DNHD1: variants seen among roughly 807,000 people sequenced by gnomAD.
DNHD1 encodes dynein heavy chain domain 1.
Under a neutral mutation model 458.1 loss-of-function variants are expected in DNHD1, and 383 were observed. The observed-to-expected ratio is 0.84, with a 90% CI of 0.77 to 0.91. The LOEUF is 0.91. Among genes scored for constraint, DNHD1 ranks in the 40% least tolerant of loss-of-function variants. The probability of loss-of-function intolerance (pLI) is 0.00; values close to 1 mark genes in which losing one functional copy is unlikely to be tolerated. For missense variants in DNHD1, 5,336 were observed against 5,866.1 expected (o/e 0.91, Z 2.95); for synonymous variants, 2,203 against 2,376.9 (o/e 0.93, Z 2.13).
rs749086816 is a variant in DNHD1 at position 6,557,927 on chromosome 11, G to A, written c.8632G>A (p.Val2878Met). ...MAQHVARLVR[V>M]LARPRQHGLL... ...CCAGCACGTGGCCCGCCTGGTCCGG[G>A]TGCTGGCCAGGCCCCGGCAGCATGG... Residue 2878 changes from valine to methionine, a missense_variant, in exon 25 of 43, where the codon GTG becomes ATG. Val to Met is a conservative substitution (Grantham distance 21). Coordinates refer to ENST00000254579, the MANE Select transcript of DNHD1 (RefSeq NM_144666.3). 2 of 1,551,440 alleles carry A rather than the reference G, an allele frequency of 1.3e-6. No homozygotes were observed. Among genetic ancestry groups the A allele is most frequent in the Non-Finnish European group, 1.7e-6 (2 of 1,146,968 alleles).
rs1853207672 is a variant in DNHD1 at position 6,546,014 on chromosome 11, G to A, written c.5075G>A (p.Gly1692Asp). 4 of 1,551,706 alleles carry A rather than the reference G, an allele frequency of 2.6e-6. No individual in the cohort carries two copies. Among genetic ancestry groups the A allele is most frequent in the South Asian group, 2.4e-5 (2 of 84,058 alleles). ...ACCGTACTGGGTCCTAATGGTGTGG[G>A]CAAGAGAGCTATAGTGAACAGCCTG... ...CGTVLGPNGV[G>D]KRAIVNSLAQ... is the part of the protein sequence containing the mutation. The change falls in exon 21 of 43, where the codon GGC becomes GAC. Residue 1692 changes from glycine to aspartate, a missense_variant. Transcript: ENST00000254579.
In DNHD1 at chr11:6,545,245, G is replaced by A; in HGVS notation, c.4306G>A (p.Gly1436Ser). 1 of 1,551,754 alleles carries A rather than the reference G, an allele frequency of 6.4e-7. No homozygotes were observed. The highest frequency in any genetic ancestry group is 1.4e-5 in the African/African-American group (1 of 73,160). Residue 1436 changes from glycine (G) to serine (S), a missense_variant, in exon 21 of 43, where the codon GGT becomes AGT. By Grantham distance (56) the Gly-to-Ser change is moderately conservative. This residue lies in a region of DNHD1 where 3,932 missense variants were observed against 4,365.6 expected (regional missense o/e 0.90). Coordinates refer to ENST00000254579, the MANE Select transcript of DNHD1 (RefSeq NM_144666.3). This position sits in a 1 kb window ranked among gnomAD's most constrained non-coding sequence, Gnocchi z 4.9. Reference sequence around the variant, plus strand: ...AGGTGGGGAGGAGGTGAAGCTGCAGGGTCCCCTTCCTCTGCATCCAGATCT... The same window carrying A: ...AGGTGGGGAGGAGGTGAAGCTGCAGAGTCCCCTTCCTCTGCATCCAGATCT... ...GAGGEEVKLQ[G>S]PLPLHPDLPK...
chr11:6,566,514 C>A, intron 34 of DNHD1, 73 bp from the exon 35 acceptor site: 1 of 1,563,448 alleles, frequency 6.4e-7, no homozygotes, highest in South Asian at 1.2e-5. Flanking sequence ...AGCAGGGAGC[C>A]ATACTCCCTG....
In DNHD1 at chr11:6,498,622, C is replaced by T. The variant is rs1449432946; in HGVS notation, c.407C>T (p.Pro136Leu). Residue 136 changes from proline to leucine, a missense_variant, in exon 3 of 43, where the codon CCA becomes CTA. By Grantham distance (98) the Pro-to-Leu change is moderately conservative. Around this residue, in one of 4 missense-constraint regions of DNHD1, gnomAD observed 3,932 missense variants for 4,365.6 expected, o/e 0.90. Transcript: ENST00000254579. Reference protein sequence around the residue: ...LLGAIVQAFPPDSSLLDSASH... With the variant: ...LLGAIVQAFPLDSSLLDSASH... Reference sequence around the variant, plus strand: ...GGTGCCATTGTCCAGGCCTTTCCTCCAGACAGCTCTTTGTTAGACAGTGCT... The same window carrying T: ...GGTGCCATTGTCCAGGCCTTTCCTCTAGACAGCTCTTTGTTAGACAGTGCT... 1 of 1,614,234 alleles carries T rather than the reference C, an allele frequency of 6.2e-7. No homozygotes were observed.
At chr11:6,519,515 AAG>A in intron 7 of DNHD1, 83 bp from the exon 8 acceptor site, 1 of 1,506,876 alleles carries the variant, frequency 6.6e-7, no homozygotes, top group Non-Finnish European at 9.1e-7. Context: ...CCCAGACTCC[AAG>A]ACCTGAGAGT....
intron 18 of DNHD1, among the ~76,000 whole-genome samples, chr11:6,542,714 A>G (rs1350772548): frequency 6.6e-6 from 1 of 152,238 alleles, no homozygotes; most frequent in Non-Finnish European, 1.5e-5. Flanking sequence ...TCTTACCTCA[A>G]GAAGACAGGT....
intron 14 of DNHD1, among the ~76,000 whole-genome samples, chr11:6,537,872 A>C (rs1852992058): frequency 6.6e-6 from 1 of 152,132 alleles, no homozygotes; most frequent in Non-Finnish European, 1.5e-5. Flanking sequence ...CAGAGGTTGC[A>C]GTGAGCCGAG....
At chr11:6,517,355 C>G (rs545944866) in intron 7 of DNHD1, among the ~76,000 whole-genome samples, 2 of 152,134 alleles carry the variant, frequency 1.3e-5, no homozygotes, top group Non-Finnish European at 2.9e-5. Flanking sequence ...ATCCAGCAAT[C>G]CCACTTCTGT....
chr11:6,534,259 C>A, intron 14 of DNHD1, 86 bp downstream of exon 14: 1 of 1,353,422 alleles, frequency 7.4e-7, no homozygotes, highest in Non-Finnish European at 9.9e-7. Context: ...GTTCTGTGTC[C>A]TGTATGACCC....
chr11:6,544,725 C>T, intron 20 of DNHD1, 54 bp downstream of exon 20: 1 of 1,540,306 alleles, frequency 6.5e-7, no homozygotes. Flanking sequence ...AATAGCAGGG[C>T]TCAGCGTGGG....
Position 6,567,034 on chromosome 11 carries a change from A to C in DNHD1, c.11525A>C (p.Gln3842Pro). The change falls in exon 36 of 43, where the codon CAG becomes CCG. Residue 3842 changes from glutamine to proline, a missense_variant. Around this residue, in one of 4 missense-constraint regions of DNHD1, gnomAD observed 695 missense variants for 804.2 expected, o/e 0.86. Transcript: ENST00000254579. ...HCEELEGQKL[Q>P]EMVLWAPYRP... ...GAAGAGTTAGAAGGGCAGAAACTAC[A>C]GGAGATGGTATTGTGGGCACCCTAT... is the stretch of plus-strand genomic sequence containing the variant. 6.2e-7 allele frequency: 1 copy of C among 1,614,038 alleles called. No homozygotes were observed. Among genetic ancestry groups the C allele is most frequent in the Non-Finnish European group, 8.5e-7 (1 of 1,179,898 alleles).
At chr11:6,501,119 G>T (rs186186583) in intron 3 of DNHD1, among the ~76,000 whole-genome samples, 1 of 152,260 alleles carries the variant, frequency 6.6e-6, no homozygotes, top group African/African-American at 2.4e-5. Context: ...AATGTTCATT[G>T]GATGTAGTAA....
At position 6,570,077 on chromosome 11, in the gene DNHD1, G is replaced by T. The variant is rs778125598; in HGVS notation, c.12932G>T (p.Arg4311Leu). 6.2e-7 allele frequency: 1 copy of T among 1,613,938 alleles called. No homozygotes were observed. ...DQLWASLSNPRAAMQELAASV... is the reference protein window; with the variant it reads ...DQLWASLSNPLAAMQELAASV... Reference sequence around the variant, plus strand: ...CTGTGGGCAAGTCTTAGCAATCCCCGTGCTGCCATGCAAGAGCTGGCTGGT... The same window carrying T: ...CTGTGGGCAAGTCTTAGCAATCCCCTTGCTGCCATGCAAGAGCTGGCTGGT... Residue 4311 changes from arginine (R) to leucine (L), a missense_variant, in exon 40 of 43, where the codon CGT becomes CTT. Coordinates refer to ENST00000254579, the MANE Select transcript of DNHD1 (RefSeq NM_144666.3).
At chr11:6,532,500 A>G (rs911059538) in intron 12 of DNHD1, among the ~76,000 whole-genome samples, 2 of 152,238 alleles carry the variant, frequency 1.3e-5, no homozygotes, top group African/African-American at 2.4e-5. Flanking sequence ...AAGGGCAGTA[A>G]GACTCCAAAA....
chr11:6,532,318 G>C (rs1478869112), intron 12 of DNHD1, among the ~76,000 whole-genome samples: 1 of 152,060 alleles, frequency 6.6e-6, no homozygotes, highest in Non-Finnish European at 1.5e-5. Flanking sequence ...GATTTTATGA[G>C]GTATCATATG....
intron 3 of DNHD1, among the ~76,000 whole-genome samples, chr11:6,501,912 A>G (rs1213381592): frequency 6.6e-6 from 1 of 152,252 alleles, no homozygotes; most frequent in Non-Finnish European, 1.5e-5. Context: ...AAGGTTATAA[A>G]CCATATTGTT....
chr11:6,534,331 C>A, intron 14 of DNHD1, 158 bp downstream of exon 14: 1 of 749,140 alleles, frequency 1.3e-6, no homozygotes, highest in South Asian at 2.0e-5. Flanking sequence ...AATTTCAGGA[C>A]AAAAACATCA....
chr11:6,542,438 G>T (rs1853114264), intron 18 of DNHD1, among the ~76,000 whole-genome samples: 1 of 152,358 alleles, frequency 6.6e-6, no homozygotes, highest in East Asian at 1.9e-4. Flanking sequence ...GGTCCTACCA[G>T]TCTTTCCTGA....
Position 6,502,738 on chromosome 11 carries a change from T to C in DNHD1, c.747-15T>C, listed in dbSNP as rs754606379. ...TTTTACTCTGCCTTTTCTCTCCTGA[T>C]TTTCTGTCACACAGGTCTCAGCTTG... is the stretch of plus-strand genomic sequence containing the variant. On this transcript the variant is annotated splice_polypyrimidine_tract_variant and intron_variant, in intron 3 of 42. Transcript: ENST00000254579. The C allele has an allele frequency of 1.9e-5, 29 of 1,563,646 alleles. No homozygotes were observed. The South Asian group carries it at 2.3e-4, about 12-fold the overall frequency.
Sources: allele counts gnomAD v4.1 joint callset (sites outside exome capture counted in the v4.1 genomes callset), GRCh38; gene constraint gnomAD v4.1.1; regional missense constraint gnomAD v4.1.1; non-coding constraint Gnocchi (gnomAD v3.1); transcripts MANE v1.5; gene names NCBI Gene and HGNC (gene_info 2026-07-23, HGNC 2026-07-21).